The following ANAPC1 variants were observed in gnomAD, a reference collection of about 807,000 sequenced individuals.
ANAPC1 encodes the protein anaphase promoting complex subunit 1, also known as anaphase-promoting complex subunit 1.
Under a neutral mutation model 208.0 loss-of-function variants are expected in ANAPC1, and 36 were observed. The observed-to-expected ratio is 0.17, with a 90% CI of 0.13 to 0.23. The LOEUF is 0.23. Ranked by LOEUF, ANAPC1 falls within the 10% of genes least tolerant of loss-of-function variation. ANAPC1 has a pLI of 1.00. For missense variants in ANAPC1, 942 were observed against 2,011.6 expected, an observed-to-expected ratio of 0.47 and a Z score of 10.17; for synonymous variants, 378 against 695.2, an observed-to-expected ratio of 0.54 and a Z score of 7.18.
rs142062259 is a variant in ANAPC1, at chr2:111,868,241, T to C, written c.612-145A>G. On this transcript the variant is annotated intron_variant, in intron 6 of 47. Coordinates refer to ENST00000341068, the MANE Select transcript of ANAPC1 (RefSeq NM_022662.4). The stretch of plus-strand genomic sequence containing the variant: ...AATGCAATCTTCTAAACTTTGTACA[T>C]ACTATTTTTCACATTGTCTTCTATT... 89 of 523,228 alleles carry C rather than the reference T, an allele frequency of 1.7e-4. 1 individual carries two copies. In the Middle Eastern group the frequency reaches 4.0e-3, roughly 24 times the overall value. 32.4% of individuals were successfully genotyped at this position (523,228 alleles called of 1,614,324 possible). A position where few individuals can be genotyped will look rare whatever the true frequency, so the allele number is the denominator to read the frequency against.
intron 21 of ANAPC1, among the ~76,000 whole-genome samples, chr2:111,827,502 C>T (rs1472640401): frequency 1.3e-5 from 2 of 151,784 alleles, no homozygotes; most frequent in African/African-American, 2.4e-5. Context: ...ACAAATGTCT[C>T]ATTAGCTAAA....
chr2:111,881,960 G>A (rs1310061057), intron 1 of ANAPC1, among the ~76,000 whole-genome samples: 7 of 152,134 alleles, frequency 4.6e-5, no homozygotes, highest in East Asian at 1.9e-4. Flanking sequence ...CAAAGCAGGC[G>A]GATCACTAGG....
chr2:111,774,900 T>C (rs1040486206), intron 46 of ANAPC1, among the ~76,000 whole-genome samples: 5 of 148,632 alleles, frequency 3.4e-5, no homozygotes, highest in African/African-American at 1.2e-4. Context: ...TTAATAAAAC[T>C]TTTTAAAGTT....
chr2:111,800,257 C>A (rs553944842), intron 34 of ANAPC1, among the ~76,000 whole-genome samples: 45 of 145,082 alleles, frequency 3.1e-4, no homozygotes, highest in African/African-American at 1.1e-3. Context: ...CTGAAAGAAA[C>A]AATCTACATA....
intron 24 of ANAPC1, 136 bp downstream of exon 24, chr2:111,824,830 T>C (rs1211675836): frequency 2.2e-6 from 2 of 927,690 alleles, no homozygotes; most frequent in Admixed American, 2.6e-5. Flanking sequence ...AAAAAAAGAA[T>C]ATGGCTTGAT....
rs1206787300 is a variant in ANAPC1, at chr2:111,847,857, C to T, written c.1659G>A (p.Leu553=). The change falls in exon 15 of 48, where the codon CTG becomes CTA. Residue 553 remains leucine (L), a synonymous_variant. Coordinates refer to ENST00000341068, the MANE Select transcript of ANAPC1 (RefSeq NM_022662.4). ...KLLGSLDEVV[L]LSPVPELRDS... ...CCCTCAGTTCTGGAACTGGGGACAACAGAACAACCTGTAAAAAGTTGTAAA... is the reference window on the plus strand; with the variant it reads ...CCCTCAGTTCTGGAACTGGGGACAATAGAACAACCTGTAAAAAGTTGTAAA... The T allele has an allele frequency of 1.9e-6, 3 of 1,575,294 alleles. No homozygotes were observed. The highest frequency in any genetic ancestry group is 1.7e-4 in the Middle Eastern group (1 of 5,902).
At chr2:111,880,443 T>C (rs1683243491) in intron 2 of ANAPC1, 170 bp downstream of exon 2, 1 of 1,182,822 alleles carries the variant, frequency 8.5e-7, no homozygotes, top group East Asian at 2.6e-5. Context: ...TAAGTCGCTA[T>C]GACAATGTAA....
chr2:111,875,805 T>C (rs1682996056), intron 3 of ANAPC1, among the ~76,000 whole-genome samples: 1 of 152,220 alleles, frequency 6.6e-6, no homozygotes, highest in Non-Finnish European at 1.5e-5. Context: ...TTCTGAAGTT[T>C]AAAAAGTCAT....
intron 34 of ANAPC1, among the ~76,000 whole-genome samples, chr2:111,795,482 A>G (rs1678119529): frequency 6.8e-6 from 1 of 147,684 alleles, no homozygotes; most frequent in Admixed American, 6.9e-5. Flanking sequence ...ATAATATTGC[A>G]TACCAGTCAA....
At chr2:111,856,914 G>A (rs753822057) in intron 11 of ANAPC1, 28 bp from the exon 12 acceptor site, 62 of 1,573,032 alleles carry the variant, frequency 3.9e-5, no homozygotes, top group Non-Finnish European at 5.4e-5. Context: ...AAAGAAACTT[G>A]ATACATGCAA....
chr2:111,882,742 A>T (rs1683375006), intron 1 of ANAPC1, among the ~76,000 whole-genome samples: 1 of 152,028 alleles, frequency 6.6e-6, no homozygotes, highest in African/African-American at 2.4e-5. Context: ...CGTCTCAAAA[A>T]AAAAAAAAAG....
chr2:111,766,754 C>A (rs187065492), downstream of ANAPC1: 6 of 333,894 alleles, frequency 1.8e-5, no homozygotes, highest in East Asian at 5.3e-4. Context: ...GCACCCTGGC[C>A]TCCCATCAAG....
At chr2:111,843,387 A>G (rs756108765) in intron 17 of ANAPC1, 25 bp downstream of exon 17, 15 of 1,610,678 alleles carry the variant, frequency 9.3e-6, no homozygotes, top group Non-Finnish European at 1.2e-5. Flanking sequence ...AATAACTCAT[A>G]AAGAAAACAA....
At chr2:111,845,121 T>C (rs1343788392) in intron 16 of ANAPC1, among the ~76,000 whole-genome samples, 1 of 152,188 alleles carries the variant, frequency 6.6e-6, no homozygotes, top group African/African-American at 2.4e-5. Flanking sequence ...GGGAGGGGAT[T>C]ACAAGCATGA....
intron 10 of ANAPC1, among the ~76,000 whole-genome samples, chr2:111,859,196 C>T (rs1240837671): frequency 6.6e-6 from 1 of 152,080 alleles, no homozygotes; most frequent in South Asian, 2.1e-4. Context: ...TAAAGTGCTA[C>T]AGAAGGCCGG....
intron 16 of ANAPC1, among the ~76,000 whole-genome samples, chr2:111,846,559 A>T (rs13423488): frequency 0.13 from 6,159 of 46,420 alleles, 680 homozygotes; most frequent in Non-Finnish European, 0.18. Context: ...ATATATATAT[A>T]TTTTTTTTTT....
chr2:111,770,929 C>T (rs1400401431), intron 47 of ANAPC1: 3 of 152,990 alleles, frequency 2.0e-5, no homozygotes, highest in Admixed American at 6.5e-5. Flanking sequence ...TATTATGTTT[C>T]GTAATTTTTG....
intron 21 of ANAPC1, among the ~76,000 whole-genome samples, chr2:111,829,225 A>G (rs1264681584): frequency 6.6e-6 from 1 of 152,164 alleles, no homozygotes; most frequent in African/African-American, 2.4e-5. Context: ...AAACAATAAT[A>G]ATAACAATTT....
At chr2:111,808,582 T>C (rs573054055) in intron 29 of ANAPC1, among the ~76,000 whole-genome samples, 438 of 152,156 alleles carry the variant, frequency 2.9e-3, no homozygotes, top group African/African-American at 1.0e-2. Context: ...TTAGTGTCTC[T>C]CAGGGACCAA....
Sources: allele counts gnomAD v4.1 joint callset (sites outside exome capture counted in the v4.1 genomes callset), GRCh38; gene constraint gnomAD v4.1.1; transcripts MANE v1.5; gene names NCBI Gene and HGNC (gene_info 2026-07-23, HGNC 2026-07-21).